The following PPARGC1B variants were observed in gnomAD, a reference collection of about 807,000 sequenced individuals.
PPARGC1B encodes peroxisome proliferator-activated receptor gamma coactivator 1-beta.
In PPARGC1B, 34 loss-of-function variants were observed where a neutral mutation model predicts 101.6. The observed-to-expected ratio is 0.33, with a 90% CI of 0.25 to 0.45. The LOEUF is 0.45. PPARGC1B is among the 20% of genes least tolerant of loss of function. The probability of loss-of-function intolerance (pLI) is 1.00; values close to 1 mark genes in which losing one functional copy is unlikely to be tolerated. For missense variants in PPARGC1B, 1,234 were observed against 1,317.6 expected (o/e 0.94, Z 0.98); for synonymous variants, 548 against 539.3 (o/e 1.02, Z -0.22).
At chr5:149,855,887 C>T (rs140233754), downstream of PPARGC1B, among the ~76,000 whole-genome samples, 698 of 152,226 alleles carry the variant, frequency 4.6e-3, 5 homozygotes, top group African/African-American at 0.016. Context: ...GAGGCTGAGG[C>T]GGGCGGATCA....
chr5:149,736,826 T>G (rs557900630), intron 1 of PPARGC1B, among the ~76,000 whole-genome samples: 1 of 152,292 alleles, frequency 6.6e-6, no homozygotes, highest in South Asian at 2.1e-4. Context: ...GGTACAGAGA[T>G]TTGCCATATA....
At chr5:149,842,784 C>T (rs916450850) in intron 10 of PPARGC1B, among the ~76,000 whole-genome samples, 1 of 152,190 alleles carries the variant, frequency 6.6e-6, no homozygotes, top group African/African-American at 2.4e-5. Flanking sequence ...GGGCAGCAGC[C>T]CCTGGCAGCT....
chr5:149,834,822 C>T (rs912603286), intron 6 of PPARGC1B, 112 bp downstream of exon 6: 13 of 934,966 alleles, frequency 1.4e-5, no homozygotes, highest in African/African-American at 1.1e-4. Flanking sequence ...CCCGGCCCCA[C>T]ACCCTGTGCC....
At chr5:149,793,083 G>C (rs1757080697) in intron 1 of PPARGC1B, among the ~76,000 whole-genome samples, 1 of 152,004 alleles carries the variant, frequency 6.6e-6, no homozygotes, top group Non-Finnish European at 1.5e-5. Flanking sequence ...GTGAGGTAGA[G>C]AGTGTGTTCT....
At chr5:149,804,032 C>T (rs1218530279) in intron 1 of PPARGC1B, among the ~76,000 whole-genome samples, 1 of 152,196 alleles carries the variant, frequency 6.6e-6, no homozygotes, top group African/African-American at 2.4e-5. Context: ...TGTGGGTCTG[C>T]GTTTCTCATC....
In PPARGC1B at chr5:149,820,496, G is replaced by A. The variant is rs765282052; in HGVS notation, c.142G>A (p.Asp48Asn). The change falls in exon 2 of 12, where the codon GAT (aspartate) becomes AAT (asparagine). Residue 48 changes from aspartate (D) to asparagine (N), a missense_variant. Coordinates refer to ENST00000309241, the MANE Select transcript of PPARGC1B (RefSeq NM_133263.4). Reference protein sequence around the residue: ...DFPELDLSQLDASDFDSATCF... With the variant: ...DFPELDLSQLNASDFDSATCF... ...TCCAGAACTTGACCTCTCCCAGCTGGATGCCAGCGACTTTGACTCGGCCAC... is the reference window on the plus strand; with the variant it reads ...TCCAGAACTTGACCTCTCCCAGCTGAATGCCAGCGACTTTGACTCGGCCAC... 48 of 1,614,040 alleles carry A rather than the reference G, an allele frequency of 3.0e-5. 1 individual carries two copies. The highest frequency in any genetic ancestry group is 2.0e-4 in the South Asian group (18 of 91,070).
chr5:149,750,599 C>T (rs1237273462), intron 1 of PPARGC1B, among the ~76,000 whole-genome samples: 2 of 151,732 alleles, frequency 1.3e-5, no homozygotes, highest in Admixed American at 6.6e-5. Context: ...GGCCCCAGCC[C>T]CTGGTGTCTT....
chr5:149,820,339 G>T, intron 1 of PPARGC1B, 94 bp from the exon 2 acceptor site: 1 of 1,245,062 alleles, frequency 8.0e-7, no homozygotes. Context: ...CCTTGGCCAC[G>T]GGTCCAGATT....
intron 1 of PPARGC1B, among the ~76,000 whole-genome samples, chr5:149,798,386 C>T (rs188432307): frequency 1.8e-3 from 269 of 152,328 alleles, no homozygotes; most frequent in African/African-American, 5.8e-3. Flanking sequence ...GTTCCCCTTT[C>T]CAGTTAAATG....
At position 149,730,527 on chromosome 5, in the gene PPARGC1B, T is replaced by A; in HGVS notation, c.78+107T>A. 1 of 874,446 alleles carries A rather than the reference T, an allele frequency of 1.1e-6. No individual in the cohort carries two copies. The highest frequency in any genetic ancestry group is 1.7e-6 in the Non-Finnish European group (1 of 596,562). The allele number at this position is 874,446 out of a possible 1,614,324, so 54.2% of individuals were successfully genotyped here. A position where few individuals can be genotyped will look rare whatever the true frequency, so the allele number is the denominator to read the frequency against. On this transcript the variant is annotated intron_variant, in intron 1 of 11. Transcript: ENST00000309241. This position sits in a 1 kb window ranked among gnomAD's most constrained non-coding sequence, Gnocchi z 4.0. The stretch of plus-strand genomic sequence containing the variant: ...GCAGCGGTGGGAGCCCTGGGGTAAC[T>A]GGGGGTTCCAGGCTGCAGAGCCCCC...
intron 1 of PPARGC1B, among the ~76,000 whole-genome samples, chr5:149,805,915 C>T (rs1757580980): frequency 6.6e-6 from 1 of 152,246 alleles, no homozygotes; most frequent in Non-Finnish European, 1.5e-5. Flanking sequence ...CCAGGGAGCC[C>T]AGTGTGGGAA....
Position 149,842,115 on chromosome 5 carries a change from C to T in PPARGC1B, c.2695-141C>T, listed in dbSNP as rs556555948. ...CCTCTGGGGTAGAGATTGGCATTGT[C>T]CTCTCTCTGACTCCAGCCGGTATTG... is the stretch of plus-strand genomic sequence containing the variant. On this transcript the variant is annotated intron_variant, in intron 9 of 11. Coordinates refer to ENST00000309241, the MANE Select transcript of PPARGC1B (RefSeq NM_133263.4). 4.6e-6 allele frequency: 5 copies of T among 1,089,708 alleles called. No individual in the cohort carries two copies. In the African/African-American group the frequency reaches 7.9e-5, roughly 17 times the overall value. 67.5% of individuals were successfully genotyped at this position (1,089,708 alleles called of 1,614,324 possible).
chr5:149,850,170 A>T lies in PPARGC1B; in HGVS notation c.*2612A>T, dbSNP rs1759716662. 1 of 152,212 alleles carries T rather than the reference A, an allele frequency of 6.6e-6. No homozygotes were observed. The highest frequency in any genetic ancestry group is 2.4e-5 in the African/African-American group (1 of 41,434). The allele number at this position is 152,212 out of a possible 1,614,324, so 9.4% of individuals were successfully genotyped here. ...GGTGTGCTGAAAGGAGTTGGTCCAT[A>T]TATGATCTCTTAGCCCCTCCTATTT... On this transcript the variant is annotated 3_prime_UTR_variant, in exon 12 of 12. Transcript: ENST00000309241.
At position 149,810,834 on chromosome 5, in the gene PPARGC1B, T is replaced by C. The variant is rs567356392; in HGVS notation, c.79-9599T>C. Among the ~76,000 whole-genome samples the C allele has an allele frequency of 1.8e-4, 27 of 152,124 alleles. 1 individual carries two copies. Among genetic ancestry groups the C allele is most frequent in the African/African-American group, 6.5e-4 (27 of 41,526 alleles). On this transcript the variant is annotated intron_variant, in intron 1 of 11. Transcript: ENST00000309241. ...GCTTTCTCAGCCTCAATGTCTTAAT[T>C]TGCAAATTGAGAGATTCATTCACAA...
At chr5:149,774,125 G>A (rs1756258231) in intron 1 of PPARGC1B, among the ~76,000 whole-genome samples, 1 of 152,190 alleles carries the variant, frequency 6.6e-6, no homozygotes, top group African/African-American at 2.4e-5. Context: ...AATTCCCTTT[G>A]GGGAGAGGCC....
At chr5:149,752,611 C>T (rs1348982674) in intron 1 of PPARGC1B, among the ~76,000 whole-genome samples, 9 of 152,130 alleles carry the variant, frequency 5.9e-5, no homozygotes, top group African/African-American at 2.2e-4. Flanking sequence ...GGTGGATCAC[C>T]TGAAGTCAGG....
intron 1 of PPARGC1B, among the ~76,000 whole-genome samples, chr5:149,775,824 C>A (rs995444920): frequency 6.6e-6 from 1 of 152,140 alleles, no homozygotes; most frequent in Admixed American, 6.5e-5. Context: ...CACCCCCTAC[C>A]CCCTTCTCTT....
intron 1 of PPARGC1B, among the ~76,000 whole-genome samples, chr5:149,813,377 A>G (rs1757933596): frequency 1.3e-5 from 2 of 151,984 alleles, no homozygotes; most frequent in Non-Finnish European, 2.9e-5. Flanking sequence ...TGGAGCCCAG[A>G]CTCCCCACCA....
chr5:149,753,460 G>A (rs975827595), intron 1 of PPARGC1B, among the ~76,000 whole-genome samples: 21 of 152,032 alleles, frequency 1.4e-4, no homozygotes, highest in South Asian at 6.2e-4. Flanking sequence ...CTCCCACCTC[G>A]GCCTCCCAAA....
Sources: gnomAD v4.1 joint callset for allele counts (sites outside exome capture counted in the v4.1 genomes callset) on GRCh38, gnomAD v4.1.1 for gene constraint, Gnocchi (gnomAD v3.1) non-coding constraint, MANE v1.5 for transcripts, NCBI Gene and HGNC (gene_info 2026-07-23, HGNC 2026-07-21) for gene names.